The following MED13 variants were observed in gnomAD, a reference collection of about 807,000 sequenced individuals.
MED13 encodes the protein mediator complex subunit 13, also known as mediator of RNA polymerase II transcription subunit 13.
In MED13, 23 loss-of-function variants were observed where a neutral mutation model predicts 225.2. The observed-to-expected ratio is 0.10, with a 90% CI of 0.07 to 0.14. MED13 has a LOEUF of 0.14. Ranked by LOEUF, MED13 falls within the 10% of genes least tolerant of loss-of-function variation. The pLI is 1.00. For missense variants in MED13, 2,197 were observed against 2,594.5 expected, an observed-to-expected ratio of 0.85 and a Z score of 3.33; for synonymous variants, 942 against 889.2, an observed-to-expected ratio of 1.06 and a Z score of -1.06.
chr17:61,984,033 C>T (rs2080227410), intron 15 of MED13, 138 bp downstream of exon 15: 2 of 637,718 alleles, frequency 3.1e-6, no homozygotes, highest in Admixed American at 8.0e-5. Flanking sequence ...CAGCCAATCA[C>T]TATAATTGAT....
At chr17:61,951,906 CT>C (rs966930431) in intron 27 of MED13, among the ~76,000 whole-genome samples, 1 of 151,172 alleles carries the variant, frequency 6.6e-6, no homozygotes. Context: ...AATTTCTTTT[CT>C]TTTTTTTTGA....
chr17:61,952,984 T>C lies in MED13; in HGVS notation c.6098A>G (p.His2033Arg). ...AGTTACCTTGCCCGCATCACCTCCA[T>C]GGGGGTAATGAGATCCTGGAGAATG... Reference protein sequence around the residue: ...PVHSPGSHYPHGGDAGKGQST... With the variant: ...PVHSPGSHYPRGGDAGKGQST... Residue 2033 changes from histidine to arginine, a missense_variant, in exon 27 of 30, where the codon CAT (histidine) becomes CGT (arginine). By Grantham distance (29) the His-to-Arg change is conservative. Around this residue, in one of 12 missense-constraint regions of MED13, gnomAD observed 216 missense variants for 388.9 expected, o/e 0.56. Coordinates refer to ENST00000397786, the MANE Select transcript of MED13 (RefSeq NM_005121.3). 2.5e-6 allele frequency: 4 copies of C among 1,613,298 alleles called. No homozygotes were observed. Among genetic ancestry groups the C allele is most frequent in the Non-Finnish European group, 3.4e-6 (4 of 1,179,756 alleles).
At chr17:62,032,898 C>T (rs2080770136) in intron 5 of MED13, among the ~76,000 whole-genome samples, 1 of 152,248 alleles carries the variant, frequency 6.6e-6, no homozygotes, top group Admixed American at 6.5e-5. Flanking sequence ...GCCAGTAATC[C>T]CAGCACTCTG....
rs1055605454 is a variant in MED13 at position 61,943,121 on chromosome 17, G to T, written c.*3347C>A. ...CAAAAAAGACCCCCCAAAAAGTTAA[G>T]ATTTCCAGCTTATTTCTGGAGGGGT... On this transcript the variant is annotated 3_prime_UTR_variant, in exon 30 of 30. Coordinates refer to ENST00000397786, the MANE Select transcript of MED13 (RefSeq NM_005121.3). The T allele has an allele frequency of 1.3e-5, 2 of 152,394 alleles. No homozygotes were observed. The highest frequency in any genetic ancestry group is 6.6e-5 in the Admixed American group (1 of 15,258). 9.4% of individuals were successfully genotyped at this position (152,394 alleles called of 1,614,324 possible). A position where few individuals can be genotyped will look rare whatever the true frequency, so the allele number is the denominator to read the frequency against.
At position 62,033,833 on chromosome 17, in the gene MED13, A is replaced by T. The variant is rs1466094165; in HGVS notation, c.768T>A (p.Asp256Glu). Reference sequence around the variant, plus strand: ...CTAAAGAATCATCTTCCCAATCCATATCTTCCTGTTTTTCTTCAGACATCT... The same window carrying T: ...CTAAAGAATCATCTTCCCAATCCATTTCTTCCTGTTTTTCTTCAGACATCT... ...LKEMSEEKQE[D>E]MDWEDDSLAA... The change falls in exon 5 of 30, where the codon GAT becomes GAA. Residue 256 changes from aspartate (D) to glutamate (E), a missense_variant. By Grantham distance (45) the Asp-to-Glu change is conservative. Coordinates refer to ENST00000397786, the MANE Select transcript of MED13 (RefSeq NM_005121.3). 2 of 1,614,134 alleles carry T rather than the reference A, an allele frequency of 1.2e-6. No homozygotes were observed. Among genetic ancestry groups the T allele is most frequent in the African/African-American group, 1.3e-5 (1 of 75,066 alleles).
intron 20 of MED13, among the ~76,000 whole-genome samples, chr17:61,963,731 T>C (rs2080028109): frequency 6.6e-6 from 1 of 152,196 alleles, no homozygotes; most frequent in Admixed American, 6.5e-5. Flanking sequence ...GATGAGTGTA[T>C]CAATCTCGAT....
intron 3 of MED13, among the ~76,000 whole-genome samples, chr17:62,049,440 CTATT>C (rs971596681): frequency 9.9e-5 from 15 of 152,232 alleles, no homozygotes; most frequent in African/African-American, 3.6e-4. Context: ...TCTATCATAA[CTATT>C]TAACTCTGCT....
chr17:62,053,933 G>A (rs919419946), intron 2 of MED13, among the ~76,000 whole-genome samples: 1 of 152,154 alleles, frequency 6.6e-6, no homozygotes, highest in Non-Finnish European at 1.5e-5. Flanking sequence ...CCACTACAAA[G>A]ATTAATGTTG....
At chr17:62,036,264 C>T (rs2080802802) in intron 3 of MED13, among the ~76,000 whole-genome samples, 1 of 151,970 alleles carries the variant, frequency 6.6e-6, no homozygotes, top group Admixed American at 6.6e-5. Context: ...AATGCAATCC[C>T]CTCCCAACCA....
chr17:61,961,974 T>TA, intron 21 of MED13, among the ~76,000 whole-genome samples, 195 bp from the exon 22 acceptor site: 1 of 152,284 alleles, frequency 6.6e-6, no homozygotes, highest in Non-Finnish European at 1.5e-5. Context: ...GGTTCTGAAT[T>TA]AAAGGACTAT....
chr17:62,026,215 T>C (rs1248078990), intron 8 of MED13, among the ~76,000 whole-genome samples: 1 of 152,204 alleles, frequency 6.6e-6, no homozygotes, highest in Non-Finnish European at 1.5e-5. Context: ...AAACTTCTCA[T>C]AACCAAACCT....
rs964378570 is a variant in MED13 at position 61,946,645 on chromosome 17, C to T, written c.6393-45G>A. On this transcript the variant is annotated intron_variant, in intron 29 of 29. Coordinates refer to ENST00000397786, the MANE Select transcript of MED13 (RefSeq NM_005121.3). ...CATAAGTCATTTATTTATTTCCAAC[C>T]TAGATTTTGGAAGCAGTTTTCAATT... The T allele has an allele frequency of 3.1e-6, 5 of 1,598,280 alleles. No homozygotes were observed. In the Admixed American group the frequency reaches 7.3e-5, roughly 23 times the overall value.
At chr17:62,008,175 C>T (rs1017963501) in intron 9 of MED13, among the ~76,000 whole-genome samples, 4 of 149,762 alleles carry the variant, frequency 2.7e-5, no homozygotes, top group Non-Finnish European at 5.9e-5. Context: ...AAAAATTAGC[C>T]AGGAGTGGTG....
chr17:61,966,769 T>C (rs1288028653), intron 18 of MED13, 118 bp from the exon 19 acceptor site: 1 of 611,254 alleles, frequency 1.6e-6, no homozygotes, highest in African/African-American at 1.9e-5. Flanking sequence ...AATTAACAGT[T>C]ATGATAAAAA....
intron 19 of MED13, 25 bp from the exon 20 acceptor site, chr17:61,965,493 A>ATT: frequency 6.3e-7 from 1 of 1,574,846 alleles, no homozygotes; most frequent in South Asian, 1.2e-5. Context: ...CAGGTACGAA[A>ATT]TTTAATTCTT....
chr17:61,977,177 A>G (rs2080164272), intron 16 of MED13, among the ~76,000 whole-genome samples: 1 of 152,198 alleles, frequency 6.6e-6, no homozygotes, highest in Non-Finnish European at 1.5e-5. Flanking sequence ...GGTAAGAAAC[A>G]ACAATTAATA....
At chr17:62,050,682 A>T (rs961312902) in intron 3 of MED13, among the ~76,000 whole-genome samples, 6 of 152,188 alleles carry the variant, frequency 3.9e-5, no homozygotes, top group Non-Finnish European at 7.3e-5. Context: ...AATCTTGGTA[A>T]TCTGTTTGAC....
At chr17:62,011,641 T>C (rs1239606525) in intron 8 of MED13, among the ~76,000 whole-genome samples, 4 of 152,196 alleles carry the variant, frequency 2.6e-5, no homozygotes, top group Admixed American at 2.6e-4. Context: ...ATTAATGGCT[T>C]GGCTAAGCTT....
intron 1 of MED13, among the ~76,000 whole-genome samples, chr17:62,063,719 G>A (rs147413296): frequency 5.7e-4 from 86 of 152,196 alleles, no homozygotes; most frequent in African/African-American, 1.9e-3. Context: ...CAGAAGTAAC[G>A]TCTCTAATGA....
Sources: allele counts gnomAD v4.1 joint callset (sites outside exome capture counted in the v4.1 genomes callset), GRCh38; gene constraint gnomAD v4.1.1; regional missense constraint gnomAD v4.1.1; transcripts MANE v1.5; gene names NCBI Gene and HGNC (gene_info 2026-07-23, HGNC 2026-07-21).